Variants in ADAMTS2 observed in about 807,000 individuals in gnomAD.
ADAMTS2 encodes ADAM metallopeptidase with thrombospondin type 1 motif 2, also known as A disintegrin and metalloproteinase with thrombospondin motifs 2.
Under a neutral mutation model 123.0 loss-of-function variants are expected in ADAMTS2, and 50 were observed. That is an observed-to-expected ratio of 0.41 (90% CI 0.32 to 0.51). The LOEUF is 0.51. ADAMTS2 is among the 20% of genes least tolerant of loss of function. ADAMTS2 has a pLI of 0.35. For missense variants in ADAMTS2, 1,494 were observed against 1,705.2 expected, an observed-to-expected ratio of 0.88 and a Z score of 2.18; for synonymous variants, 678 against 695.4, an observed-to-expected ratio of 0.98 and a Z score of 0.39.
At chr5:179,342,533 T>G (rs527376432) in intron 2 of ADAMTS2, among the ~76,000 whole-genome samples, 1 of 152,372 alleles carries the variant, frequency 6.6e-6, no homozygotes, top group Admixed American at 6.5e-5. Context: ...ATGACAGTGG[T>G]TGCAGAGCCC....
At position 179,307,491 on chromosome 5, in the gene ADAMTS2, C is replaced by T. The variant is rs955667460; in HGVS notation, c.535-34427G>A. ...GCACCATCCACTAATAGCACCATCA[C>T]GTATGCCAGGCTGGGAGCCCGGGCG... On this transcript the variant is annotated intron_variant, in intron 2 of 21. Coordinates refer to ENST00000251582, the MANE Select transcript of ADAMTS2 (RefSeq NM_014244.5). This position sits in a 1 kb window ranked among gnomAD's most constrained non-coding sequence, Gnocchi z 5.6. Among the ~76,000 whole-genome samples, 2 of 152,174 alleles carry T rather than the reference C, an allele frequency of 1.3e-5. No individual in the cohort carries two copies. Among genetic ancestry groups the T allele is most frequent in the Admixed American group, 6.5e-5 (1 of 15,280 alleles).
At chr5:179,336,435 G>A (rs953812415) in intron 2 of ADAMTS2, among the ~76,000 whole-genome samples, 2 of 152,216 alleles carry the variant, frequency 1.3e-5, no homozygotes, top group Non-Finnish European at 2.9e-5. Context: ...CGTGACAAGC[G>A]ACGGCCAGGC....
At chr5:179,220,470 CAG>C (rs1765100629) in intron 3 of ADAMTS2, among the ~76,000 whole-genome samples, 2 of 152,172 alleles carry the variant, frequency 1.3e-5, no homozygotes, top group Admixed American at 1.3e-4. Context: ...ACCTCACACT[CAG>C]AAGGTCCAGG....
intron 5 of ADAMTS2, among the ~76,000 whole-genome samples, chr5:179,171,060 TTAA>T (rs1182487946): frequency 5.3e-5 from 8 of 152,346 alleles, no homozygotes; most frequent in Admixed American, 3.9e-4. Flanking sequence ...TCCACAGAAT[TTAA>T]TAATAAAAAT....
intron 5 of ADAMTS2, among the ~76,000 whole-genome samples, chr5:179,165,551 T>C (rs928326339): frequency 6.6e-6 from 1 of 152,132 alleles, no homozygotes. Context: ...CGTAGCACCC[T>C]GGGCTCTGCA....
In ADAMTS2 at chr5:179,197,599, G is replaced by T. The variant is rs1764455097; in HGVS notation, c.891+9914C>A. On this transcript the variant is annotated intron_variant, in intron 4 of 21. Transcript: ENST00000251582. This position sits in a 1 kb window ranked among gnomAD's most constrained non-coding sequence, Gnocchi z 4.2. ...TTTAAAAAATGAGTCAGGCATGGTG[G>T]TGTGTGCCTGTAGTCCCAGCTGCTT... is the stretch of plus-strand genomic sequence containing the variant. 6.6e-6 allele frequency among the ~76,000 whole-genome samples: 1 copy of T among 152,162 alleles called. No homozygotes were observed. The highest frequency in any genetic ancestry group is 2.4e-5 in the African/African-American group (1 of 41,432).
intron 21 of ADAMTS2, among the ~76,000 whole-genome samples, 169 bp from the exon 22 acceptor site, chr5:179,114,493 G>A (rs1013285076): frequency 6.6e-6 from 1 of 152,178 alleles, no homozygotes; most frequent in Non-Finnish European, 1.5e-5. Flanking sequence ...AGCATCCCCA[G>A]TGCAGGCAGT....
rs962991674 is a variant in ADAMTS2 at position 179,217,802 on chromosome 5, G to T, written c.689-10087C>A. Reference sequence around the variant, plus strand: ...TCACTAGGGGATGGCGCAAGGGGGGGATGGGCACACTCACTAGGGGATGGC... The same window carrying T: ...TCACTAGGGGATGGCGCAAGGGGGGTATGGGCACACTCACTAGGGGATGGC... On this transcript the variant is annotated intron_variant, in intron 3 of 21. Transcript: ENST00000251582. Among the ~76,000 whole-genome samples, 14 of 62,128 alleles carry T rather than the reference G, an allele frequency of 2.3e-4. 2 individuals are homozygous for T. Among genetic ancestry groups the T allele is most frequent in the Non-Finnish European group, 3.2e-4 (9 of 28,098 alleles). The allele number at this position is 62,128 out of a possible 152,430, so 40.8% of individuals were successfully genotyped here. A position where few individuals can be genotyped will look rare whatever the true frequency, so the allele number is the denominator to read the frequency against.
chr5:179,336,605 G>A (rs997957049), intron 2 of ADAMTS2, among the ~76,000 whole-genome samples: 3 of 152,140 alleles, frequency 2.0e-5, no homozygotes, highest in African/African-American at 7.2e-5. Context: ...GGTGTGTCCC[G>A]TAACCGATGG....
At position 179,235,576 on chromosome 5, in the gene ADAMTS2, T is replaced by A. The variant is rs539215856; in HGVS notation, c.689-27861A>T. Among the ~76,000 whole-genome samples, 85 of 152,258 alleles carry A rather than the reference T, an allele frequency of 5.6e-4. 1 individual carries two copies. Among genetic ancestry groups the A allele is most frequent in the African/African-American group, 2.0e-3 (84 of 41,558 alleles). On this transcript the variant is annotated intron_variant, in intron 3 of 21. Transcript: ENST00000251582. Reference sequence around the variant, plus strand: ...GGGTTGGTGCTGCCAGGAACTCTCATAGGAGAGGGCCTTGTTCCCACCTAG... The same window carrying A: ...GGGTTGGTGCTGCCAGGAACTCTCAAAGGAGAGGGCCTTGTTCCCACCTAG...
chr5:179,182,633 A>T (rs886667387), intron 4 of ADAMTS2, among the ~76,000 whole-genome samples: 14 of 152,044 alleles, frequency 9.2e-5, no homozygotes, highest in African/African-American at 3.4e-4. Flanking sequence ...TGACATGTGG[A>T]CCCTGCTGAG....
chr5:179,154,463 G>T (rs1416374640), intron 7 of ADAMTS2, among the ~76,000 whole-genome samples: 1 of 152,170 alleles, frequency 6.6e-6, no homozygotes, highest in Non-Finnish European at 1.5e-5. Context: ...CTGCCTCCAG[G>T]TTTCTAACCC....
At chr5:179,252,345 T>C (rs1243713529) in intron 3 of ADAMTS2, among the ~76,000 whole-genome samples, 1 of 152,116 alleles carries the variant, frequency 6.6e-6, no homozygotes, top group Non-Finnish European at 1.5e-5. Flanking sequence ...TGTATTATCT[T>C]TTTCCTTCTA....
intron 3 of ADAMTS2, among the ~76,000 whole-genome samples, chr5:179,268,607 G>GGAGTCAGCCGCTCCTT (rs1561660807): frequency 1.3e-5 from 2 of 152,216 alleles, no homozygotes; most frequent in Non-Finnish European, 2.9e-5. Flanking sequence ...ACGTGGTCTT[G>GGAGTCAGCCGCTCCTT]GAGTCAGCCG....
At chr5:179,124,065 C>T (rs770458669) in intron 19 of ADAMTS2, among the ~76,000 whole-genome samples, 10 of 152,314 alleles carry the variant, frequency 6.6e-5, no homozygotes, top group Middle Eastern at 3.4e-3. Flanking sequence ...CGGGAGCCTG[C>T]GCCTGGATTC....
rs372965191 is a variant in ADAMTS2, at chr5:179,122,821, C to T, written c.2959-48G>A. 4.7e-4 allele frequency: 733 copies of T among 1,549,968 alleles called. 1 individual carries two copies. The highest frequency in any genetic ancestry group is 5.8e-4 in the Non-Finnish European group (665 of 1,147,144). On this transcript the variant is annotated intron_variant, in intron 19 of 21. Transcript: ENST00000251582. Reference sequence around the variant, plus strand: ...CAGGGTTCACCTCCCACACAGGGCCCGCACTGGCAGAGCTGGAGGAGCCCA... The same window carrying T: ...CAGGGTTCACCTCCCACACAGGGCCTGCACTGGCAGAGCTGGAGGAGCCCA...
rs116928388 is a variant in ADAMTS2 at position 179,286,365 on chromosome 5, C to T, written c.535-13301G>A. The stretch of plus-strand genomic sequence containing the variant: ...GGAGGTCTGCACACACCGCCCCTCC[C>T]TTCCTCCAACCAGCCCAGGAGACCA... On this transcript the variant is annotated intron_variant, in intron 2 of 21. Coordinates refer to ENST00000251582, the MANE Select transcript of ADAMTS2 (RefSeq NM_014244.5). Among the ~76,000 whole-genome samples, 766 of 152,226 alleles carry T rather than the reference C, an allele frequency of 5.0e-3. 10 individuals carry two copies. The highest frequency in any genetic ancestry group is 0.037 in the East Asian group (190 of 5,158).
At chr5:179,246,900 A>AG (rs2113461956) in intron 3 of ADAMTS2, among the ~76,000 whole-genome samples, 1 of 152,316 alleles carries the variant, frequency 6.6e-6, no homozygotes, top group East Asian at 1.9e-4. Context: ...CAACACATAA[A>AG]AAACAACAAG....
At chr5:179,275,010 G>A (rs1247128513) in intron 2 of ADAMTS2, among the ~76,000 whole-genome samples, 1 of 152,188 alleles carries the variant, frequency 6.6e-6, no homozygotes, top group Non-Finnish European at 1.5e-5. Context: ...CCGGGGAGGT[G>A]GACGGAGCAC....
Sources: gnomAD v4.1 joint callset for allele counts (sites outside exome capture counted in the v4.1 genomes callset) on GRCh38, gnomAD v4.1.1 for gene constraint, Gnocchi (gnomAD v3.1) non-coding constraint, MANE v1.5 for transcripts, NCBI Gene and HGNC (gene_info 2026-07-23, HGNC 2026-07-21) for gene names.